WDTC1: variants seen among roughly 807,000 people sequenced by gnomAD.
The protein encoded by WDTC1 is WD and tetratricopeptide repeats protein 1.
A neutral mutation model predicts 76.0 loss-of-function variants in WDTC1; 12 were observed. The observed-to-expected ratio is 0.16, with a 90% CI of 0.10 to 0.26. The LOEUF (loss-of-function observed/expected upper bound fraction) is 0.26, where lower values mean the gene tolerates loss of function less well. WDTC1 is among the 10% of genes least tolerant of loss of function. WDTC1 has a pLI of 1.00. For synonymous variants in WDTC1, 326 were observed against 350.8 expected (o/e 0.93, Z 0.79); for missense variants, 511 against 908.8 (o/e 0.56, Z 5.63).
Position 27,306,445 on chromosome 1 carries a change from T to A in WDTC1, c.*62T>A, listed in dbSNP as rs2013957965. On this transcript the variant is annotated 3_prime_UTR_variant, in exon 16 of 16. Transcript: ENST00000319394. The surrounding 1 kb of genome is among the most constrained non-coding windows in gnomAD (Gnocchi z 5.0). ...TGGACCCTCTGCCCTGGGCAGGAGG[T>A]CAGGGGATTCTGTTTTGGTTTGTCT... is the stretch of plus-strand genomic sequence containing the variant. 2 of 1,542,256 alleles carry A rather than the reference T, an allele frequency of 1.3e-6. No individual in the cohort carries two copies. The highest frequency in any genetic ancestry group is 1.7e-6 in the Non-Finnish European group (2 of 1,147,074).
intron 1 of WDTC1, among the ~76,000 whole-genome samples, 192 bp downstream of exon 1, chr1:27,235,143 C>T (rs2011467109): frequency 6.6e-6 from 1 of 151,600 alleles, no homozygotes; most frequent in Non-Finnish European, 1.5e-5. Flanking sequence ...GCAGAGTGGT[C>T]CGGGGGCGGG....
chr1:27,301,524 T>A lies in WDTC1; in HGVS notation c.1468+63T>A. 6.4e-7 allele frequency: 1 copy of A among 1,554,510 alleles called. No homozygotes were observed. Among genetic ancestry groups the A allele is most frequent in the South Asian group, 1.1e-5 (1 of 88,490 alleles). On this transcript the variant is annotated intron_variant, in intron 13 of 15. Coordinates refer to ENST00000319394, the MANE Select transcript of WDTC1 (RefSeq NM_001276252.2). The surrounding 1 kb of genome is among the most constrained non-coding windows in gnomAD (Gnocchi z 5.8). ...CTCTTTGAGATGCTGCATGACATTCTGGAGAGGTCATGGTTCTGGGATTGG... is the reference window on the plus strand; with the variant it reads ...CTCTTTGAGATGCTGCATGACATTCAGGAGAGGTCATGGTTCTGGGATTGG...
chr1:27,270,598 C>T (rs982749184), intron 3 of WDTC1, among the ~76,000 whole-genome samples: 1 of 152,102 alleles, frequency 6.6e-6, no homozygotes, highest in Admixed American at 6.6e-5. Context: ...GAGCCTGAGG[C>T]ACAACAATTG....
intron 3 of WDTC1, among the ~76,000 whole-genome samples, chr1:27,263,656 G>A (rs2012559020): frequency 6.6e-6 from 1 of 152,162 alleles, no homozygotes; most frequent in East Asian, 1.9e-4. Flanking sequence ...GGATGGTCTC[G>A]ATCTCCTGAC....
chr1:27,277,308 T>G (rs2013060042), intron 3 of WDTC1, among the ~76,000 whole-genome samples: 1 of 152,180 alleles, frequency 6.6e-6, no homozygotes, highest in Non-Finnish European at 1.5e-5. Context: ...AGTTTTGTAG[T>G]TTTAGATTTT....
intron 3 of WDTC1, among the ~76,000 whole-genome samples, chr1:27,280,281 A>C (rs1272475118): frequency 6.6e-6 from 1 of 152,216 alleles, no homozygotes; most frequent in African/African-American, 2.4e-5. Context: ...TGGATTAAAG[A>C]AGGAACAAAA....
At chr1:27,297,198 C>T (rs1204884077) in intron 11 of WDTC1, 42 bp downstream of exon 11, 1 of 1,511,914 alleles carries the variant, frequency 6.6e-7, no homozygotes, top group Admixed American at 1.9e-5. Flanking sequence ...GCCCCAGTTA[C>T]ACTATATGGA....
chr1:27,260,285 T>C lies in WDTC1; in HGVS notation c.-99-671T>C, dbSNP rs375832769. 1.3e-3 allele frequency among the ~76,000 whole-genome samples: 205 copies of C among 152,230 alleles called. 1 individual carries two copies. In the East Asian group the frequency reaches 0.017, roughly 12 times the overall value. On this transcript the variant is annotated intron_variant, in intron 1 of 15. Coordinates refer to ENST00000319394, the MANE Select transcript of WDTC1 (RefSeq NM_001276252.2). ...ACACCCAGCTAATTTTTTTGTATTT[T>C]TAGTAGGGACGGGGTTTCACCATGT...
intron 1 of WDTC1, among the ~76,000 whole-genome samples, chr1:27,244,204 G>A (rs1410536659): frequency 6.6e-5 from 10 of 151,458 alleles, no homozygotes. Flanking sequence ...AAGAGGTATA[G>A]AAAAGAAAAA....
At chr1:27,252,100 C>T (rs1414150954) in intron 1 of WDTC1, among the ~76,000 whole-genome samples, 2 of 151,348 alleles carry the variant, frequency 1.3e-5, no homozygotes, top group South Asian at 4.2e-4. Context: ...AATCCTAGCA[C>T]TTTGGGAGGC....
At chr1:27,244,192 G>A (rs189581854) in intron 1 of WDTC1, among the ~76,000 whole-genome samples, 82 of 151,930 alleles carry the variant, frequency 5.4e-4, no homozygotes, top group South Asian at 2.5e-3. Flanking sequence ...ATGAAGAGAC[G>A]TAAGAGGTAT....
intron 12 of WDTC1, among the ~76,000 whole-genome samples, chr1:27,298,322 A>G (rs1245845330): frequency 1.3e-5 from 2 of 152,364 alleles, no homozygotes; most frequent in East Asian, 1.9e-4. Context: ...AGTCTCAAGC[A>G]CTAAGGAAGC....
At chr1:27,280,063 A>G (rs1300701902) in intron 3 of WDTC1, among the ~76,000 whole-genome samples, 1 of 152,258 alleles carries the variant, frequency 6.6e-6, no homozygotes, top group Non-Finnish European at 1.5e-5. Context: ...AGAGAGGTTA[A>G]AGAACTTGCT....
In WDTC1 at chr1:27,268,267, C is replaced by T. The variant is rs573845536; in HGVS notation, c.132+5032C>T. 1.1e-4 allele frequency among the ~76,000 whole-genome samples: 16 copies of T among 149,776 alleles called. 1 individual carries two copies. The highest frequency in any genetic ancestry group is 6.8e-3 in the Middle Eastern group (2 of 294). On this transcript the variant is annotated intron_variant, in intron 3 of 15. Coordinates refer to ENST00000319394, the MANE Select transcript of WDTC1 (RefSeq NM_001276252.2). The stretch of plus-strand genomic sequence containing the variant: ...ACCAGCCTGGGCAACATGGCAAGAC[C>T]CCTGTCTCTATACCATCAAAAATGA...
Position 27,306,266 on chromosome 1 carries a change from G to A in WDTC1, c.1917G>A (p.Pro639=), listed in dbSNP as rs370667755. 70 of 1,614,136 alleles carry A rather than the reference G, an allele frequency of 4.3e-5. No homozygotes were observed. The East Asian group carries it at 5.1e-4, about 12-fold the overall frequency. The change falls in exon 16 of 16, where the codon CCG becomes CCA. Residue 639 remains proline (P), a synonymous_variant. Coordinates refer to ENST00000319394, the MANE Select transcript of WDTC1 (RefSeq NM_001276252.2). The surrounding 1 kb of genome is among the most constrained non-coding windows in gnomAD (Gnocchi z 5.0). ...QANQRRMNAD[P]LEVMLLNMGY... is the part of the protein sequence containing the mutation. ...ACCAGCGGCGCATGAATGCAGACCC[G>A]TTGGAGGTGATGCTGCTCAACATGG...
rs556572435 is a variant in WDTC1, at chr1:27,263,176, C to T, written c.73C>T (p.Arg25Trp). Residue 25 changes from arginine to tryptophan, a missense_variant, in exon 3 of 16, where the codon CGG becomes TGG. Coordinates refer to ENST00000319394, the MANE Select transcript of WDTC1 (RefSeq NM_001276252.2). ...IKERGALSFE[R>W]RYHVTDPFIR... ...GGAGCGGGGTGCCCTGAGCTTTGAG[C>T]GGCGCTACCATGTCACTGACCCCTT... 2.4e-5 allele frequency: 39 copies of T among 1,613,212 alleles called. No homozygotes were observed. Among genetic ancestry groups the T allele is most frequent in the African/African-American group, 8.0e-5 (6 of 74,840 alleles).
intron 3 of WDTC1, among the ~76,000 whole-genome samples, chr1:27,266,836 GTTATGTTTTCT>G (rs1188271234): frequency 6.6e-6 from 1 of 152,142 alleles, no homozygotes; most frequent in Non-Finnish European, 1.5e-5. Flanking sequence ...GTGGTTACTG[GTTATGTTTTCT>G]TTATGATCTG....
intron 6 of WDTC1, among the ~76,000 whole-genome samples, chr1:27,288,958 G>A (rs1219450812): frequency 6.8e-6 from 1 of 147,420 alleles, no homozygotes; most frequent in East Asian, 2.1e-4. Context: ...CTCCCGGACG[G>A]GGCGGCTGGC....
At chr1:27,269,063 G>A (rs1015454707) in intron 3 of WDTC1, among the ~76,000 whole-genome samples, 4 of 143,436 alleles carry the variant, frequency 2.8e-5, no homozygotes, top group Admixed American at 7.3e-5. Context: ...AGTGGCTCAC[G>A]CCTGTAAATC....
Sources: allele counts gnomAD v4.1 joint callset (sites outside exome capture counted in the v4.1 genomes callset), GRCh38; gene constraint gnomAD v4.1.1; non-coding constraint Gnocchi (gnomAD v3.1); transcripts MANE v1.5; gene names NCBI Gene and HGNC (gene_info 2026-07-23, HGNC 2026-07-21).